The following SCFD2 variants were observed in gnomAD, a reference collection of about 807,000 sequenced individuals.
SCFD2 encodes sec1 family domain containing 2, also known as sec1 family domain-containing protein 2.
Under a neutral mutation model 58.9 loss-of-function variants are expected in SCFD2, and 54 were observed. The observed-to-expected ratio is 0.92, with a 90% CI of 0.74 to 1.15. SCFD2 has a LOEUF of 1.15. SCFD2 is among the 50% of genes most tolerant of loss of function. The probability of loss-of-function intolerance (pLI) is 0.00; values close to 1 mark genes in which losing one functional copy is unlikely to be tolerated. For synonymous variants in SCFD2, 321 were observed against 335.9 expected, an observed-to-expected ratio of 0.96 and a Z score of 0.49; for missense variants, 805 against 836.6, an observed-to-expected ratio of 0.96 and a Z score of 0.47.
chr4:53,263,762 A>G (rs1730899007), intron 4 of SCFD2, among the ~76,000 whole-genome samples: 1 of 152,218 alleles, frequency 6.6e-6, no homozygotes, highest in Non-Finnish European at 1.5e-5. Flanking sequence ...TCAAGAGTGC[A>G]TCAGCTGCAG....
At chr4:53,307,781 T>A (rs1732562306) in intron 3 of SCFD2, among the ~76,000 whole-genome samples, 1 of 152,162 alleles carries the variant, frequency 6.6e-6, no homozygotes, top group Non-Finnish European at 1.5e-5. Flanking sequence ...AAGCTAGTTT[T>A]CCAGGTGTTA....
At chr4:53,283,690 T>A (rs1449096047) in intron 3 of SCFD2, among the ~76,000 whole-genome samples, 2 of 151,962 alleles carry the variant, frequency 1.3e-5, no homozygotes, top group East Asian at 3.9e-4. Context: ...TGGCTCAGCC[T>A]CCCAAGAAGC....
In SCFD2 at chr4:53,051,558, G is replaced by A. The variant is rs976178206; in HGVS notation, c.1561+93775C>T. On this transcript the variant is annotated intron_variant, in intron 5 of 8. Transcript: ENST00000401642. ...GCTTGAACCATGCTATGCTTGGCTT[G>A]AGTGAGAAAATTAAATTTTATTAGG... Among the ~76,000 whole-genome samples the A allele has an allele frequency of 2.0e-5, 3 of 152,272 alleles. 1 individual carries two copies. Among genetic ancestry groups the A allele is most frequent in the African/African-American group, 2.4e-5 (1 of 41,564 alleles).
At chr4:53,240,763 G>A (rs1408483128) in intron 4 of SCFD2, among the ~76,000 whole-genome samples, 1 of 152,256 alleles carries the variant, frequency 6.6e-6, no homozygotes, top group Non-Finnish European at 1.5e-5. Flanking sequence ...TCAGGCATCC[G>A]GAAGTGGCTG....
chr4:53,208,142 TTTC>T (rs1458299883), intron 4 of SCFD2, among the ~76,000 whole-genome samples: 1 of 151,680 alleles, frequency 6.6e-6, no homozygotes, highest in Non-Finnish European at 1.5e-5. Context: ...TTTCTTTTTT[TTTC>T]TTTTTATATA....
intron 3 of SCFD2, among the ~76,000 whole-genome samples, chr4:53,299,904 T>C (rs6554087): frequency 0.57 from 86,589 of 151,932 alleles, 25,004 homozygotes; most frequent in Middle Eastern, 0.65. Flanking sequence ...TGCTGAGAGA[T>C]TTTTGTCACC....
At chr4:53,148,029 TTACTC>T (rs1478516290) in intron 4 of SCFD2, among the ~76,000 whole-genome samples, 1 of 152,154 alleles carries the variant, frequency 6.6e-6, no homozygotes, top group African/African-American at 2.4e-5. Context: ...TTTTGGCTGT[TTACTC>T]TACCACTAAC....
At chr4:52,882,356 G>A (rs569024940) in intron 8 of SCFD2, among the ~76,000 whole-genome samples, 4 of 152,342 alleles carry the variant, frequency 2.6e-5, no homozygotes, top group African/African-American at 9.6e-5. Flanking sequence ...CAATGCCAAA[G>A]AGGCAGATTT....
At chr4:53,356,018 T>C (rs1370691040) in intron 1 of SCFD2, among the ~76,000 whole-genome samples, 1 of 152,202 alleles carries the variant, frequency 6.6e-6, no homozygotes, top group Non-Finnish European at 1.5e-5. Context: ...TCTCATAAAA[T>C]TGCAGTCAAT....
chr4:53,145,400 G>A lies in SCFD2; in HGVS notation c.1494C>T (p.Val498=). Residue 498 remains valine (V), a synonymous_variant, in exon 5 of 9, where the codon GTC becomes GTT. Transcript: ENST00000401642. ...AGAAGACCTGAGCCAATGCTTTCTT[G>A]ACTTTTTCTTCTGCTTCACACAGGT... ...DKDLCEAEEK[V]KKALAQVFCE... 6.2e-7 allele frequency: 1 copy of A among 1,614,076 alleles called. No individual in the cohort carries two copies. Among genetic ancestry groups the A allele is most frequent in the South Asian group, 1.1e-5 (1 of 91,076 alleles).
At chr4:52,946,294 C>T (rs1720424427) in intron 5 of SCFD2, among the ~76,000 whole-genome samples, 1 of 151,668 alleles carries the variant, frequency 6.6e-6, no homozygotes, top group Non-Finnish European at 1.5e-5. Context: ...TCTCAGTATG[C>T]CAAAAAGATC....
At chr4:53,255,695 G>A (rs1245955681) in intron 4 of SCFD2, among the ~76,000 whole-genome samples, 2 of 152,146 alleles carry the variant, frequency 1.3e-5, no homozygotes, top group African/African-American at 4.8e-5. Flanking sequence ...AACCTCCATT[G>A]TCATCATGGC....
chr4:52,894,911 T>TA (rs1235196299), intron 7 of SCFD2, among the ~76,000 whole-genome samples: 2 of 152,192 alleles, frequency 1.3e-5, no homozygotes, highest in Non-Finnish European at 2.9e-5. Flanking sequence ...GAAGTATTTT[T>TA]AAAAATGTTA....
intron 6 of SCFD2, among the ~76,000 whole-genome samples, chr4:52,920,138 A>G (rs1719699740): frequency 1.3e-5 from 2 of 151,974 alleles, no homozygotes; most frequent in South Asian, 4.2e-4. Context: ...CTTTCTATGT[A>G]CTTTCCCCCT....
At chr4:53,262,039 A>C (rs1449605564) in intron 4 of SCFD2, among the ~76,000 whole-genome samples, 3 of 151,796 alleles carry the variant, frequency 2.0e-5, no homozygotes, top group African/African-American at 7.3e-5. Context: ...TGTTGCTTTA[A>C]GGTTTGTTTT....
At chr4:53,174,653 G>T (rs1727274989) in intron 4 of SCFD2, among the ~76,000 whole-genome samples, 1 of 152,084 alleles carries the variant, frequency 6.6e-6, no homozygotes, top group African/African-American at 2.4e-5. Flanking sequence ...TGATTAAATT[G>T]GGCACAGGGA....
At chr4:53,139,018 G>A (rs1171092811) in intron 5 of SCFD2, among the ~76,000 whole-genome samples, 2 of 152,144 alleles carry the variant, frequency 1.3e-5, no homozygotes, top group African/African-American at 2.4e-5. Flanking sequence ...TTGCAGGTGC[G>A]CGCCGCCACG....
At chr4:53,253,423 T>G (rs1169873802) in intron 4 of SCFD2, among the ~76,000 whole-genome samples, 1 of 152,086 alleles carries the variant, frequency 6.6e-6, no homozygotes, top group Non-Finnish European at 1.5e-5. Context: ...CATGCTGCTA[T>G]AAAGACACAT....
At chr4:53,079,732 G>T (rs528856298) in intron 5 of SCFD2, among the ~76,000 whole-genome samples, 16 of 152,222 alleles carry the variant, frequency 1.1e-4, no homozygotes, top group African/African-American at 3.6e-4. Context: ...CTTGATAAAT[G>T]CTTACATTCC....
Sources: gnomAD v4.1 joint callset for allele counts (sites outside exome capture counted in the v4.1 genomes callset) on GRCh38, gnomAD v4.1.1 for gene constraint, MANE v1.5 for transcripts, NCBI Gene and HGNC (gene_info 2026-07-23, HGNC 2026-07-21) for gene names.